IFFO2: variants seen among roughly 807,000 people sequenced by gnomAD.
The protein encoded by IFFO2 is intermediate filament family orphan 2.
In IFFO2, 19 loss-of-function variants were observed where a neutral mutation model predicts 53.5. That is an observed-to-expected ratio of 0.36 (90% CI 0.25 to 0.52). The LOEUF (loss-of-function observed/expected upper bound fraction) is 0.52. IFFO2 is among the 20% of genes least tolerant of loss of function. The probability of loss-of-function intolerance (pLI) is 0.94; values close to 1 mark genes in which losing one functional copy is unlikely to be tolerated. For synonymous variants in IFFO2, 303 were observed against 313.6 expected, an observed-to-expected ratio of 0.97 and a Z score of 0.36; for missense variants, 570 against 727.4, an observed-to-expected ratio of 0.78 and a Z score of 2.49.
rs1176454949 is a variant in IFFO2, at chr1:18,917,046, A to T, written c.964-4T>A. ...GCTCTTTCTTTTTGGGGACCACCTG[A>T]ACCGGAAAGGAAGCAATCAAGGTAA... is the stretch of plus-strand genomic sequence containing the variant. On this transcript the variant is annotated splice_region_variant and splice_polypyrimidine_tract_variant and intron_variant, in intron 4 of 8. Transcript: ENST00000455833. This position sits in a 1 kb window ranked among gnomAD's most constrained non-coding sequence, Gnocchi z 5.9. The T allele has an allele frequency of 3.2e-6, 5 of 1,552,148 alleles. No homozygotes were observed. Among genetic ancestry groups the T allele is most frequent in the Non-Finnish European group, 4.4e-6 (5 of 1,147,024 alleles).
rs116029788 is a variant in IFFO2, at chr1:18,916,845, C to T, written c.1103+58G>A. The T allele has an allele frequency of 1.6e-3, 2,497 of 1,536,438 alleles. 12 individuals carry two copies. The highest frequency in any genetic ancestry group is 9.9e-3 in the Middle Eastern group (57 of 5,770). On this transcript the variant is annotated intron_variant, in intron 5 of 8. Coordinates refer to ENST00000455833, the MANE Select transcript of IFFO2 (RefSeq NM_001136265.2). This position sits in a 1 kb window ranked among gnomAD's most constrained non-coding sequence, Gnocchi z 4.3. Reference sequence around the variant, plus strand: ...CTCTCAGCCCAAGCCTCCCATTCACCGCCCCTGTGCAAGCAATCCGGGGAA... The same window carrying T: ...CTCTCAGCCCAAGCCTCCCATTCACTGCCCCTGTGCAAGCAATCCGGGGAA...
intron 8 of IFFO2, among the ~76,000 whole-genome samples, chr1:18,908,872 T>C (rs1422049736): frequency 6.6e-6 from 1 of 152,186 alleles, no homozygotes; most frequent in Non-Finnish European, 1.5e-5. Flanking sequence ...TCTGGCTGTG[T>C]TGGCTTCTCT....
chr1:18,948,404 G>T (rs1936617691), intron 1 of IFFO2, among the ~76,000 whole-genome samples: 1 of 152,314 alleles, frequency 6.6e-6, no homozygotes, highest in Non-Finnish European at 1.5e-5. Context: ...CCATTCCCAC[G>T]TGGGCATAGT....
chr1:18,932,819 AACACACCGACAGTCAAG>A (rs1297166434), intron 1 of IFFO2, among the ~76,000 whole-genome samples: 4 of 152,122 alleles, frequency 2.6e-5, no homozygotes, highest in African/African-American at 9.7e-5. Context: ...AATGCTCGGC[AACACACCGACAGTCAAG>A]ACACACAGGA....
chr1:18,944,837 C>A (rs796216954), intron 1 of IFFO2, among the ~76,000 whole-genome samples: 7 of 152,144 alleles, frequency 4.6e-5, no homozygotes, highest in African/African-American at 1.7e-4. Flanking sequence ...AGTGAGACAG[C>A]CAGCCATAAA....
intron 1 of IFFO2, among the ~76,000 whole-genome samples, chr1:18,930,538 A>C (rs6426803): frequency 6.6e-6 from 1 of 152,262 alleles, no homozygotes; most frequent in East Asian, 1.9e-4. Flanking sequence ...CCCTGCTTTC[A>C]CCGTCCACAC....
At position 18,917,845 on chromosome 1, in the gene IFFO2, G is replaced by A. The variant is rs1302133262; in HGVS notation, c.963+517C>T. On this transcript the variant is annotated intron_variant, in intron 4 of 8. Coordinates refer to ENST00000455833, the MANE Select transcript of IFFO2 (RefSeq NM_001136265.2). This position sits in a 1 kb window ranked among gnomAD's most constrained non-coding sequence, Gnocchi z 5.9. ...CCCACACTTGCACGTTAGGTCGGGG[G>A]GGTATCGAGAGCCTCTTTGGGGTGG... 2.0e-5 allele frequency among the ~76,000 whole-genome samples: 3 copies of A among 152,186 alleles called. No homozygotes were observed. Among genetic ancestry groups the A allele is most frequent in the Non-Finnish European group, 4.4e-5 (3 of 68,030 alleles).
chr1:18,908,966 G>A (rs1256049673), intron 8 of IFFO2, among the ~76,000 whole-genome samples: 1 of 152,070 alleles, frequency 6.6e-6, no homozygotes, highest in Admixed American at 6.6e-5. Flanking sequence ...TGGGCATATA[G>A]TAGGTGCTAA....
intron 1 of IFFO2, among the ~76,000 whole-genome samples, chr1:18,953,221 G>A (rs1299575823): frequency 6.6e-6 from 1 of 152,226 alleles, no homozygotes; most frequent in Non-Finnish European, 1.5e-5. Context: ...CAGGGGATCA[G>A]AAGCGGGCTG....
In IFFO2 at chr1:18,911,405, C is replaced by T. The variant is rs1316628033; in HGVS notation, c.1296G>A (p.Gln432=). 1.3e-6 allele frequency: 2 copies of T among 1,522,156 alleles called. No individual in the cohort carries two copies. The highest frequency in any genetic ancestry group is 2.6e-5 in the East Asian group (1 of 38,608). The allele number at this position is 1,522,156 out of a possible 1,614,324, so 94.3% of individuals were successfully genotyped here. ...TCACCTCGATCTGACCTATCGTTTC[C>T]TGGTACTCCTTGTCTCTCGTCTTGA... ...SFFKTRDKEY[Q]ETIGQIELEL... Residue 432 remains glutamine, a synonymous_variant, in exon 7 of 9, where the codon CAG becomes CAA. Transcript: ENST00000455833.
At chr1:18,948,092 AT>A (rs1936612866) in intron 1 of IFFO2, among the ~76,000 whole-genome samples, 1 of 151,836 alleles carries the variant, frequency 6.6e-6, no homozygotes, top group East Asian at 1.9e-4. Flanking sequence ...TGCTCCCATA[AT>A]TATCACATAT....
rs573035560 is a variant in IFFO2 at position 18,913,893 on chromosome 1, C to G, written c.1104-1810G>C. 3.6e-3 allele frequency among the ~76,000 whole-genome samples: 543 copies of G among 152,236 alleles called. 1 individual carries two copies. Among genetic ancestry groups the G allele is most frequent in the African/African-American group, 0.011 (467 of 41,544 alleles). On this transcript the variant is annotated intron_variant, in intron 5 of 8. Transcript: ENST00000455833. The stretch of plus-strand genomic sequence containing the variant: ...TCGCCCAGGCTGGAGTGCAGTGGTG[C>G]GATCTCGGCTCACTGCAGGCTCCGC...
chr1:18,945,430 A>T (rs16862392), intron 1 of IFFO2, among the ~76,000 whole-genome samples: 1,902 of 152,326 alleles, frequency 0.012, 38 homozygotes, highest in African/African-American at 0.043. Flanking sequence ...GGGGAACTTC[A>T]CAAGATCTAC....
chr1:18,934,046 T>C (rs1178542376), intron 1 of IFFO2, among the ~76,000 whole-genome samples: 1 of 142,826 alleles, frequency 7.0e-6, no homozygotes, highest in Non-Finnish European at 1.5e-5. Flanking sequence ...AATAGCTTAT[T>C]TCTCTTATTT....
intron 5 of IFFO2, among the ~76,000 whole-genome samples, chr1:18,914,068 T>A (rs1402121708): frequency 6.6e-6 from 1 of 152,214 alleles, no homozygotes; most frequent in Non-Finnish European, 1.5e-5. Flanking sequence ...CCTGACCTCG[T>A]GATCCGCCTG....
At chr1:18,943,034 A>T (rs1936540416) in intron 1 of IFFO2, among the ~76,000 whole-genome samples, 1 of 151,758 alleles carries the variant, frequency 6.6e-6, no homozygotes, top group Non-Finnish European at 1.5e-5. Context: ...AAATGCTAAT[A>T]TTTTATTTAA....
chr1:18,953,592 G>A (rs895629258), intron 1 of IFFO2, among the ~76,000 whole-genome samples: 33 of 152,094 alleles, frequency 2.2e-4, no homozygotes, highest in Admixed American at 7.9e-4. Flanking sequence ...CTTCACAGAC[G>A]GGGAAACTGA....
chr1:18,910,461 G>A lies in IFFO2; in HGVS notation c.1329C>T (p.Ala443=). The A allele has an allele frequency of 6.2e-7, 1 of 1,613,054 alleles. No individual in the cohort carries two copies. The highest frequency in any genetic ancestry group is 8.5e-7 in the Non-Finnish European group (1 of 1,179,552). Residue 443 remains alanine (A), a synonymous_variant, in exon 8 of 9, where the codon GCC becomes GCT. Transcript: ENST00000455833. ...ETIGQIELEL[A]TAKSDMNRHL... ...GTCGGTTCATGTCACTTTTGGCTGT[G>A]GCCAGCTCGAGCTGGGAGGAACCAA...
Position 18,914,453 on chromosome 1 carries a change from C to A in IFFO2, c.1104-2370G>T, listed in dbSNP as rs544201669. Among the ~76,000 whole-genome samples, 28 of 152,308 alleles carry A rather than the reference C, an allele frequency of 1.8e-4. No individual in the cohort carries two copies. The South Asian group carries it at 2.9e-3, about 16-fold the overall frequency. On this transcript the variant is annotated intron_variant, in intron 5 of 8. Coordinates refer to ENST00000455833, the MANE Select transcript of IFFO2 (RefSeq NM_001136265.2). ...GCCTGGGATCTCCGGGACATACAAT[C>A]CTGTCTTAGGGCTCAGAAGTGCCCA...
Sources: gnomAD v4.1 joint callset for allele counts (sites outside exome capture counted in the v4.1 genomes callset) on GRCh38, gnomAD v4.1.1 for gene constraint, Gnocchi (gnomAD v3.1) non-coding constraint, MANE v1.5 for transcripts, NCBI Gene and HGNC (gene_info 2026-07-23, HGNC 2026-07-21) for gene names.